CLTRN: variants seen among roughly 807,000 people sequenced by gnomAD.
CLTRN encodes the protein collectrin, amino acid transport regulator.
Under a neutral mutation model 14.5 loss-of-function variants are expected in CLTRN, and 12 were observed. That is an observed-to-expected ratio of 0.83 (90% CI 0.53 to 1.34). The LOEUF (loss-of-function observed/expected upper bound fraction) is 1.34. CLTRN is among the 40% of genes most tolerant of loss of function. CLTRN has a pLI of 0.00. For synonymous variants in CLTRN, 58 were observed against 56.5 expected (o/e 1.03, Z -0.12); for missense variants, 154 against 165.1 (o/e 0.93, Z 0.37).
At chrX:15,674,898 GACC>G (rs1929795945) in intron 1 of CLTRN, 1 of 113,853 alleles carries the variant, frequency 8.8e-6, no homozygotes, top group Admixed American at 9.2e-5. Flanking sequence ...GGCCAATGAG[GACC>G]ACAAGGTTGT....
intron 3 of CLTRN, among the ~76,000 whole-genome samples, chrX:15,650,075 C>A (rs1430964029): frequency 1.0e-5 from 1 of 97,865 alleles, no homozygotes; most frequent in South Asian, 5.2e-4. Flanking sequence ...ATAGCAGCAT[C>A]CCTAGCCTCT....
At chrX:15,655,298 C>G (rs1929324432) in intron 3 of CLTRN, among the ~76,000 whole-genome samples, 1 of 112,288 alleles carries the variant, frequency 8.9e-6, no homozygotes, top group Admixed American at 9.4e-5. Context: ...TTGTGGTTCC[C>G]CCGCTTTGAG....
chrX:15,665,184 A>G (rs1227544753), upstream of CLTRN, among the ~76,000 whole-genome samples: 1 of 111,179 alleles, frequency 9.0e-6, no homozygotes, highest in Non-Finnish European at 1.9e-5. Context: ...TGGTTCTTAG[A>G]TAGGCTATCT....
At chrX:15,675,370 G>T (rs780135505), upstream of CLTRN, among the ~76,000 whole-genome samples, 3 of 111,161 alleles carry the variant, frequency 2.7e-5, no homozygotes, top group Admixed American at 2.8e-4. Flanking sequence ...GAGGTGGCGC[G>T]AAAAGGGAAG....
chrX:15,660,663 C>A, intron 2 of CLTRN, among the ~76,000 whole-genome samples: 1 of 108,373 alleles, frequency 9.2e-6, no homozygotes, highest in Non-Finnish European at 1.9e-5. Context: ...AAAAATCAGC[C>A]AGGCGTGGTG....
chrX:15,627,367 A>G lies in CLTRN; in HGVS notation c.*604T>C, dbSNP rs754364191. 1.2e-4 allele frequency: 14 copies of G among 112,893 alleles called. No homozygotes were observed. Among genetic ancestry groups the G allele is most frequent in the African/African-American group, 4.5e-4 (14 of 31,047 alleles). The allele number at this position is 112,893 out of a possible 1,213,427, so 9.3% of individuals were successfully genotyped here. The stretch of plus-strand genomic sequence containing the variant: ...ACTTTATTAAGTTAGCACAGATTGG[A>G]CTTTTACAAATTGTAGAAATGGTCA... On this transcript the variant is annotated 3_prime_UTR_variant, in exon 6 of 6. Coordinates refer to ENST00000380342, the MANE Select transcript of CLTRN (RefSeq NM_020665.6).
At chrX:15,643,181 G>A (rs1270337204) in intron 4 of CLTRN, among the ~76,000 whole-genome samples, 1 of 112,131 alleles carries the variant, frequency 8.9e-6, no homozygotes. Context: ...ACCAAAAAGT[G>A]GTATGCAAAT....
At chrX:15,662,281 C>T (rs969169737) in intron 2 of CLTRN, among the ~76,000 whole-genome samples, 1 of 110,382 alleles carries the variant, frequency 9.1e-6, no homozygotes, top group Non-Finnish European at 1.9e-5. Flanking sequence ...TTCAACTCTC[C>T]CAACCTCCTG....
At chrX:15,645,109 C>G in intron 3 of CLTRN, 80 bp from the exon 4 acceptor site, 1 of 546,232 alleles carries the variant, frequency 1.8e-6, no homozygotes, top group Non-Finnish European at 3.0e-6. Flanking sequence ...GATGCTACTA[C>G]TATCTTAAGA....
chrX:15,640,418 C>T (rs1267809008), intron 4 of CLTRN, among the ~76,000 whole-genome samples: 1 of 112,995 alleles, frequency 8.8e-6, no homozygotes, highest in African/African-American at 3.2e-5. Context: ...AGTAACATCA[C>T]AGGAGCTATA....
intron 3 of CLTRN, chrX:15,646,231 A>C: frequency 4.4e-6 from 1 of 228,922 alleles, no homozygotes; most frequent in Non-Finnish European, 8.3e-6. Context: ...CCCATGCAAC[A>C]CTTGGTGGCC....
upstream of CLTRN, chrX:15,664,819 T>A (rs201874670): frequency 8.4e-4 from 892 of 1,060,263 alleles, 6 homozygotes; most frequent in African/African-American, 0.015. Context: ...AAAAAAAAAA[T>A]CCACGCTGCA....
chrX:15,659,116 A>C lies in CLTRN; in HGVS notation c.118-15T>G. ...TCCCAGGCATACTGAAAAAGAAGGA[A>C]AACAAAGTGTATGGGGGAAAATATG... On this transcript the variant is annotated splice_polypyrimidine_tract_variant and intron_variant, in intron 2 of 5. Coordinates refer to ENST00000380342, the MANE Select transcript of CLTRN (RefSeq NM_020665.6). 9.4e-7 allele frequency: 1 copy of C among 1,058,992 alleles called. No individual in the cohort carries two copies. Among genetic ancestry groups the C allele is most frequent in the Non-Finnish European group, 1.3e-6 (1 of 768,631 alleles). The allele number at this position is 1,058,992 out of a possible 1,213,427, so 87.3% of individuals were successfully genotyped here. A position where few individuals can be genotyped will look rare whatever the true frequency, so the allele number is the denominator to read the frequency against.
rs922826873 is a variant in CLTRN at position 15,671,782 on chromosome X, A to T, written c.-506+3207T>A. Among the ~76,000 whole-genome samples, 11 of 110,879 alleles carry T rather than the reference A, an allele frequency of 9.9e-5. No homozygotes were observed. In the East Asian group the frequency reaches 3.1e-3, roughly 31 times the overall value. Reference sequence around the variant, plus strand: ...AAAAGATAAATGAGCTTATTTTAATAATAATTTTAGAATATAGAACAGATG... The same window carrying T: ...AAAAGATAAATGAGCTTATTTTAATTATAATTTTAGAATATAGAACAGATG... On this transcript the variant is annotated intron_variant, in intron 1 of 6. Coordinates refer to the CLTRN transcript ENST00000650271.
chrX:15,651,758 G>A (rs144030887), intron 3 of CLTRN, among the ~76,000 whole-genome samples: 1,948 of 111,319 alleles, frequency 0.017, 40 homozygotes, highest in African/African-American at 0.06. Flanking sequence ...AAGTGATTGG[G>A]GGGAAAAATG....
chrX:15,674,803 G>C (rs1167948594), intron 1 of CLTRN: 1 of 112,831 alleles, frequency 8.9e-6, no homozygotes, highest in Non-Finnish European at 1.9e-5. Flanking sequence ...GGCGTGACCA[G>C]AGTGGAACCA....
At chrX:15,673,195 CTGAT>C (rs1929749962) in intron 1 of CLTRN, among the ~76,000 whole-genome samples, 1 of 112,510 alleles carries the variant, frequency 8.9e-6, no homozygotes, top group African/African-American at 3.2e-5. Context: ...AAACAAAATC[CTGAT>C]TGATTGGTTT....
intron 1 of CLTRN, among the ~76,000 whole-genome samples, chrX:15,673,232 A>T (rs1223913840): frequency 8.9e-6 from 1 of 112,685 alleles, no homozygotes; most frequent in Non-Finnish European, 1.9e-5. Flanking sequence ...TAAAACTTTA[A>T]AATACTTGTT....
At chrX:15,662,154 G>A (rs777567621) in intron 2 of CLTRN, among the ~76,000 whole-genome samples, 40 of 110,181 alleles carry the variant, frequency 3.6e-4, no homozygotes, top group Non-Finnish European at 6.3e-4. Flanking sequence ...CCTCTCTCTA[G>A]AGAGAGAACT....
Sources: allele counts gnomAD v4.1 joint callset (sites outside exome capture counted in the v4.1 genomes callset), GRCh38; gene constraint gnomAD v4.1.1; transcripts MANE v1.5; gene names NCBI Gene and HGNC (gene_info 2026-07-23, HGNC 2026-07-21).